The following CIB1 variants were observed in gnomAD, a reference collection of about 807,000 sequenced individuals.
The protein encoded by CIB1 is calcium and integrin binding 1.
A neutral mutation model predicts 25.0 loss-of-function variants in CIB1; 19 were observed. The ratio of observed to expected loss-of-function variants is 0.76; its 90% CI spans 0.53 to 1.12. The LOEUF (loss-of-function observed/expected upper bound fraction) is 1.12, where lower values mean the gene tolerates loss of function less well. Among genes scored for constraint, CIB1 ranks in the 50% most tolerant of loss-of-function variants. The pLI, the probability that CIB1 is intolerant of heterozygous loss-of-function variation, is 0.00. For missense variants in CIB1, 236 were observed against 242.6 expected, an observed-to-expected ratio of 0.97 and a Z score of 0.18; for synonymous variants, 104 against 98.5, an observed-to-expected ratio of 1.06 and a Z score of -0.33.
the CIB1 span, among the ~76,000 whole-genome samples, chr15:90,253,065 C>T: frequency 6.6e-6 from 1 of 152,094 alleles, no homozygotes; most frequent in South Asian, 2.1e-4. Context: ...TTTGGAAGGG[C>T]CCTGACAGCC....
the CIB1 span, among the ~76,000 whole-genome samples, chr15:90,240,726 C>T: frequency 4.1e-4 from 61 of 150,234 alleles, no homozygotes; most frequent in African/African-American, 1.4e-3. Context: ...GGCGGGAGAA[C>T]CGCTTGAACC....
upstream of CIB1, chr15:90,234,723 TCTC>T (rs1364573003): frequency 2.6e-5 from 4 of 152,250 alleles, no homozygotes; most frequent in South Asian, 2.1e-4. Flanking sequence ...CCACTGCTGT[TCTC>T]ATCATTCCAG....
At chr15:90,259,371 C>G in the CIB1 span, among the ~76,000 whole-genome samples, 1 of 150,548 alleles carries the variant, frequency 6.6e-6, no homozygotes, top group Admixed American at 6.6e-5. Context: ...GCCTGGGCAA[C>G]AGAGTGAGAC....
At chr15:90,258,800 G>A in the CIB1 span, 5 of 1,614,056 alleles carry the variant, frequency 3.1e-6, no homozygotes, top group Non-Finnish European at 4.2e-6. Context: ...AGTAAAGGAT[G>A]CACTTCTCTG....
Position 90,231,082 on chromosome 15 carries a change from CT to C in CIB1, c.465+12del, listed in dbSNP as rs1567068368. 6.2e-7 allele frequency: 1 copy of C among 1,613,908 alleles called. No individual in the cohort carries two copies. ...CTGCTCCCTCCCGCTCCCAGGCCTG[CT>C]CAGCTGCTCACGTTGTCGATGAGCT... On this transcript the variant is annotated intron_variant, in intron 5 of 6. Transcript: ENST00000328649.
the CIB1 span, among the ~76,000 whole-genome samples, chr15:90,248,524 G>A: frequency 6.6e-6 from 1 of 151,732 alleles, no homozygotes; most frequent in African/African-American, 2.4e-5. Context: ...AGATCAGCCT[G>A]GCCAACACAG....
the CIB1 span, among the ~76,000 whole-genome samples, chr15:90,261,368 C>T: frequency 7.0e-6 from 1 of 143,632 alleles, no homozygotes; most frequent in Admixed American, 7.4e-5. Context: ...CGTGAGCCAC[C>T]ATGCCCGGCC....
chr15:90,246,112 A>G, the CIB1 span, among the ~76,000 whole-genome samples: 3 of 152,164 alleles, frequency 2.0e-5, no homozygotes, highest in East Asian at 5.8e-4. Flanking sequence ...AGTCTCTACA[A>G]AAATACAAAA....
the CIB1 span, chr15:90,241,425 C>T: frequency 1.9e-6 from 3 of 1,613,528 alleles, no homozygotes; most frequent in Non-Finnish European, 2.5e-6. Context: ...GGTGCCTGAG[C>T]CTGCCCGCCA....
chr15:90,258,927 G>A, the CIB1 span: 11 of 1,614,050 alleles, frequency 6.8e-6, no homozygotes, highest in Admixed American at 5.0e-5. Context: ...CGAGAATCTA[G>A]GTGTGCTAGG....
the CIB1 span, among the ~76,000 whole-genome samples, chr15:90,252,112 T>A: frequency 2.0e-5 from 3 of 149,876 alleles, no homozygotes; most frequent in African/African-American, 4.9e-5. Context: ...TGATCTCGAC[T>A]CACTGCAACC....
At position 90,233,842 on chromosome 15, in the gene CIB1, T is replaced by C. The variant is rs1239227342; in HGVS notation, c.44A>G (p.Glu15Gly). 2.0e-6 allele frequency: 3 copies of C among 1,537,986 alleles called. No homozygotes were observed. The highest frequency in any genetic ancestry group is 2.4e-5 in the South Asian group (2 of 82,514). The change falls in exon 1 of 7, where the codon GAG (glutamate) becomes GGG (glycine). Residue 15 changes from glutamate to glycine, a missense_variant. Glu to Gly is a moderately conservative substitution (Grantham distance 98, BLOSUM62 -2). Transcript: ENST00000328649. ...GSRLSKELLA[E>G]YQDLTFLTKQ... Reference sequence around the variant, plus strand: ...GCCAGGCGTCCCGCGCACCTGGTACTCGGCCAGCAGCTCCTTGGACAGGCG... The same window carrying C: ...GCCAGGCGTCCCGCGCACCTGGTACCCGGCCAGCAGCTCCTTGGACAGGCG...
chr15:90,264,037 G>A, the CIB1 span: 4 of 1,535,268 alleles, frequency 2.6e-6, no homozygotes, highest in Non-Finnish European at 3.5e-6. Flanking sequence ...TTTTTCCAGT[G>A]CCAGAATCAG....
chr15:90,233,946 C>T, upstream of CIB1: 1 of 1,438,292 alleles, frequency 7.0e-7, no homozygotes, highest in East Asian at 2.5e-5. Context: ...TTTCTCACTT[C>T]CGCCCTTGGG....
the CIB1 span, chr15:90,264,804 A>C: frequency 1.3e-4 from 201 of 1,536,056 alleles, 2 homozygotes; most frequent in South Asian, 2.0e-3. Context: ...AAGCAGGGCT[A>C]TTTTCTGCAA....
intron 5 of CIB1, 30 bp downstream of exon 5, chr15:90,231,065 T>G: frequency 6.2e-7 from 1 of 1,613,318 alleles, no homozygotes; most frequent in Non-Finnish European, 8.5e-7. Context: ...AACTGCTCCC[T>G]CCCGCTCCCA....
upstream of CIB1, among the ~76,000 whole-genome samples, chr15:90,237,283 C>CTTTTTTT (rs35595704): frequency 8.8e-6 from 1 of 113,244 alleles, no homozygotes; most frequent in African/African-American, 3.6e-5. Context: ...CTTTTTTTCC[C>CTTTTTTT]TTTTTTTTTT....
the CIB1 span, chr15:90,265,386 G>A: frequency 8.0e-7 from 1 of 1,246,272 alleles, no homozygotes; most frequent in African/African-American, 1.6e-5. Context: ...CCACCGAGGT[G>A]GCGGAGACAG....
chr15:90,262,465 CTGTCTGAAGCTGCTG>C, the CIB1 span: 2 of 1,450,598 alleles, frequency 1.4e-6, no homozygotes, highest in Non-Finnish European at 1.8e-6. Flanking sequence ...CATTTCTCTA[CTGTCTGAAGCTGCTG>C]TGTCTTGTCA....
Sources: gnomAD v4.1 joint callset for allele counts (sites outside exome capture counted in the v4.1 genomes callset) on GRCh38, gnomAD v4.1.1 for gene constraint, MANE v1.5 for transcripts, NCBI Gene and HGNC (gene_info 2026-07-23, HGNC 2026-07-21) for gene names.